The following LMO1 variants were observed in gnomAD, a reference collection of about 807,000 sequenced individuals.
The protein encoded by LMO1 is LIM domain only 1, also known as rhombotin-1.
A neutral mutation model predicts 18.0 loss-of-function variants in LMO1; 10 were observed. The observed-to-expected ratio is 0.55, with a 90% CI of 0.34 to 0.94. LMO1 has a LOEUF of 0.94. Among genes scored for constraint, LMO1 ranks in the 40% least tolerant of loss-of-function variants. The pLI is 0.02. For missense variants in LMO1, 183 were observed against 205.7 expected, an observed-to-expected ratio of 0.89 and a Z score of 0.68; for synonymous variants, 77 against 77.9, an observed-to-expected ratio of 0.99 and a Z score of 0.06.
At chr11:8,242,783 C>T (rs562469465) in intron 1 of LMO1, among the ~76,000 whole-genome samples, 66 of 152,210 alleles carry the variant, frequency 4.3e-4, no homozygotes, top group Non-Finnish European at 1.9e-4. Flanking sequence ...GACTCTCAGA[C>T]GAGTCTCAAT....
intron 1 of LMO1, among the ~76,000 whole-genome samples, chr11:8,233,921 C>T (rs192939034): frequency 6.6e-6 from 1 of 152,308 alleles, no homozygotes; most frequent in African/African-American, 2.4e-5. Context: ...AAAAAAATGG[C>T]TTTGCGCTCC....
chr11:8,250,992 T>G (rs1366952211), intron 1 of LMO1, among the ~76,000 whole-genome samples: 3 of 151,966 alleles, frequency 2.0e-5, no homozygotes, highest in Admixed American at 2.0e-4. Context: ...TGGATTCGAG[T>G]GTGACAAGAC....
intron 1 of LMO1, among the ~76,000 whole-genome samples, chr11:8,253,333 G>A (rs1270992115): frequency 6.6e-6 from 1 of 152,184 alleles, no homozygotes; most frequent in East Asian, 1.9e-4. Flanking sequence ...CCCCAGGGAG[G>A]ACAGAGAAAT....
intron 1 of LMO1, among the ~76,000 whole-genome samples, chr11:8,255,131 C>A (rs1300873397): frequency 6.6e-6 from 1 of 152,116 alleles, no homozygotes; most frequent in Non-Finnish European, 1.5e-5. Context: ...CTTGGGCTGG[C>A]CTTGTGATTT....
chr11:8,258,259 G>T (rs144124952), intron 1 of LMO1, among the ~76,000 whole-genome samples: 2,837 of 152,294 alleles, frequency 0.019, 45 homozygotes, highest in Non-Finnish European at 0.024. Context: ...CTGGACCCTG[G>T]AGATGGATCC....
At chr11:8,240,764 G>T (rs1846772603) in intron 1 of LMO1, among the ~76,000 whole-genome samples, 1 of 152,044 alleles carries the variant, frequency 6.6e-6, no homozygotes, top group Non-Finnish European at 1.5e-5. Context: ...ATCACATTGG[G>T]TGTTGGGATT....
chr11:8,239,913 C>T (rs1466378009), intron 1 of LMO1, among the ~76,000 whole-genome samples: 2 of 152,188 alleles, frequency 1.3e-5, no homozygotes, highest in South Asian at 2.1e-4. Flanking sequence ...TTACTGAGTG[C>T]CTGCTCTGTA....
chr11:8,264,877 C>T (rs543731525), upstream of LMO1, among the ~76,000 whole-genome samples: 4 of 152,300 alleles, frequency 2.6e-5, no homozygotes, highest in South Asian at 8.3e-4. Context: ...GTGATCCACC[C>T]ACCTCAGCCT....
chr11:8,230,086 G>A (rs1047206446), intron 2 of LMO1, among the ~76,000 whole-genome samples: 1 of 152,216 alleles, frequency 6.6e-6, no homozygotes, highest in African/African-American at 2.4e-5. Context: ...GCTGGGTACC[G>A]AGTCCAAGGG....
In LMO1 at chr11:8,227,094, A is replaced by G. The variant is rs1414369996; in HGVS notation, c.246T>C (p.Phe82=). The G allele has an allele frequency of 3.7e-6, 6 of 1,613,052 alleles. No individual in the cohort carries two copies. In the Admixed American group the frequency reaches 8.3e-5, roughly 22 times the overall value. Residue 82 remains phenylalanine, a synonymous_variant, in exon 3 of 4, where the codon TTT becomes TTC. Coordinates refer to ENST00000335790, the MANE Select transcript of LMO1 (RefSeq NM_002315.3). ...AAGCAGCACAGTTCCCTGTGGTGCC[A>G]AAGAGCCTGCCGAGGGAAGGGCGCA... is the stretch of plus-strand genomic sequence containing the variant. ...ILCRRDYLRL[F]GTTGNCAACS...
intron 1 of LMO1, among the ~76,000 whole-genome samples, chr11:8,242,254 C>T (rs1846807959): frequency 6.6e-6 from 1 of 152,170 alleles, no homozygotes; most frequent in African/African-American, 2.4e-5. Flanking sequence ...AAAAGAGCAG[C>T]AAAAACGCAT....
intron 1 of LMO1, among the ~76,000 whole-genome samples, chr11:8,260,495 C>G (rs1338911736): frequency 5.9e-5 from 9 of 152,128 alleles, no homozygotes; most frequent in Admixed American, 5.9e-4. Context: ...GTTTGCAAAA[C>G]AGATCTTTCC....
At position 8,224,453 on chromosome 11, in the gene LMO1, T is replaced by G. The variant is rs1590512639; in HGVS notation, c.*163A>C. On this transcript the variant is annotated 3_prime_UTR_variant, in exon 4 of 4. Coordinates refer to ENST00000335790, the MANE Select transcript of LMO1 (RefSeq NM_002315.3). ...GGAGGGGTCACACACAGACGGGCGG[T>G]GGTGGAGGAGGAAGGGCCATCCCTC... is the stretch of plus-strand genomic sequence containing the variant. 1 of 572,238 alleles carries G rather than the reference T, an allele frequency of 1.7e-6. No homozygotes were observed. The allele number at this position is 572,238 out of a possible 1,614,324, so 35.4% of individuals were successfully genotyped here.
chr11:8,255,528 C>G (rs963523712), intron 1 of LMO1, among the ~76,000 whole-genome samples: 4 of 152,116 alleles, frequency 2.6e-5, no homozygotes, highest in Non-Finnish European at 4.4e-5. Flanking sequence ...TGTGCTTCCA[C>G]ACCTTCCGGA....
chr11:8,252,831 C>G (rs1029600935), intron 1 of LMO1, among the ~76,000 whole-genome samples: 1 of 152,228 alleles, frequency 6.6e-6, no homozygotes, highest in South Asian at 2.1e-4. Context: ...GAGCAGAGAA[C>G]CAAGTAAAGA....
chr11:8,232,838 G>A lies in LMO1; in HGVS notation c.26-2334C>T, dbSNP rs376981307. 3.3e-4 allele frequency among the ~76,000 whole-genome samples: 50 copies of A among 152,292 alleles called. No individual in the cohort carries two copies. The South Asian group carries it at 9.9e-3, about 30-fold the overall frequency. ...GGGAGACAGTGAGAGGCCCCAGCAC[G>A]TGAAGCAGCTGTCCCACTCTCTCTT... On this transcript the variant is annotated intron_variant, in intron 1 of 3. Coordinates refer to ENST00000335790, the MANE Select transcript of LMO1 (RefSeq NM_002315.3).
At chr11:8,239,005 A>C (rs1456533347) in intron 1 of LMO1, among the ~76,000 whole-genome samples, 4 of 152,194 alleles carry the variant, frequency 2.6e-5, no homozygotes, top group Admixed American at 6.5e-5. Context: ...TATCTCAATG[A>C]ATCTTCATAT....
chr11:8,263,103 G>C (rs976394913), intron 1 of LMO1, among the ~76,000 whole-genome samples: 1 of 151,488 alleles, frequency 6.6e-6, no homozygotes, highest in Admixed American at 6.6e-5. Context: ...GGACCCGGGG[G>C]GCGTGCGGCC....
chr11:8,243,735 C>T (rs886693336), intron 1 of LMO1, among the ~76,000 whole-genome samples: 1 of 152,200 alleles, frequency 6.6e-6, no homozygotes, highest in African/African-American at 2.4e-5. Flanking sequence ...GGTAGTGGGC[C>T]TCACCAAGCC....
Sources: allele counts gnomAD v4.1 joint callset (sites outside exome capture counted in the v4.1 genomes callset), GRCh38; gene constraint gnomAD v4.1.1; transcripts MANE v1.5; gene names NCBI Gene and HGNC (gene_info 2026-07-23, HGNC 2026-07-21).